Variants in NAV2 observed in about 807,000 individuals in gnomAD.
The protein encoded by NAV2 is neuron navigator 2.
A neutral mutation model predicts 223.2 loss-of-function variants in NAV2; 54 were observed. The observed-to-expected ratio is 0.24, with a 90% CI of 0.19 to 0.30. The LOEUF (loss-of-function observed/expected upper bound fraction) is 0.30, where lower values mean the gene tolerates loss of function less well. NAV2 is among the 10% of genes least tolerant of loss of function. The pLI is 1.00. For missense variants in NAV2, 2,806 were observed against 3,147.5 expected (o/e 0.89, Z 2.60); for synonymous variants, 1,279 against 1,239.3 (o/e 1.03, Z -0.67).
At chr11:19,390,745 C>T (rs1849215878) in intron 1 of NAV2, among the ~76,000 whole-genome samples, 1 of 152,110 alleles carries the variant, frequency 6.6e-6, no homozygotes, top group Non-Finnish European at 1.5e-5. Context: ...GGGACATGAC[C>T]TCTAAGCAGA....
At chr11:19,939,193 C>A (rs959499905) in intron 7 of NAV2, among the ~76,000 whole-genome samples, 2 of 152,172 alleles carry the variant, frequency 1.3e-5, no homozygotes, top group African/African-American at 4.8e-5. Flanking sequence ...CCACTTCCGA[C>A]TGGTTTTATG....
chr11:19,571,628 C>T (rs1424962056), intron 1 of NAV2, among the ~76,000 whole-genome samples: 1 of 152,020 alleles, frequency 6.6e-6, no homozygotes, highest in East Asian at 1.9e-4. Flanking sequence ...ACTGCTTGAA[C>T]CCAGGAGGTG....
intron 1 of NAV2, among the ~76,000 whole-genome samples, chr11:19,456,310 T>G (rs948707872): frequency 4.6e-5 from 7 of 152,232 alleles, no homozygotes; most frequent in African/African-American, 1.7e-4. Flanking sequence ...CCATGATAGA[T>G]GCACAGTCAC....
chr11:19,810,575 A>C (rs906190805), intron 1 of NAV2, among the ~76,000 whole-genome samples: 1 of 152,238 alleles, frequency 6.6e-6, no homozygotes, highest in African/African-American at 2.4e-5. Context: ...TATACTGATA[A>C]ACTATACTAT....
At chr11:20,022,949 G>A in intron 11 of NAV2, 1 of 1,323,264 alleles carries the variant, frequency 7.6e-7, no homozygotes, top group Non-Finnish European at 1.0e-6. Flanking sequence ...CTGGGGAATG[G>A]TGATCCCTGC....
intron 17 of NAV2, among the ~76,000 whole-genome samples, chr11:20,052,552 C>T (rs929733010): frequency 2.6e-5 from 4 of 152,172 alleles, no homozygotes; most frequent in East Asian, 1.9e-4. Flanking sequence ...AGAAAGCTAA[C>T]TTCTAAATGT....
intron 1 of NAV2, among the ~76,000 whole-genome samples, chr11:19,543,637 G>A (rs1049393619): frequency 2.6e-5 from 4 of 152,160 alleles, no homozygotes; most frequent in Non-Finnish European, 4.4e-5. Flanking sequence ...TACCCTCTAT[G>A]AGCTTGCCTT....
intron 10 of NAV2, among the ~76,000 whole-genome samples, chr11:19,971,029 G>A (rs2049192609): frequency 6.6e-6 from 1 of 152,144 alleles, no homozygotes; most frequent in East Asian, 1.9e-4. Context: ...AAGACATCCT[G>A]TATTTCGACA....
chr11:19,618,074 G>C (rs1027783019), intron 1 of NAV2, among the ~76,000 whole-genome samples: 8 of 152,168 alleles, frequency 5.3e-5, no homozygotes. Context: ...CTTACCTACT[G>C]TTTGTTGTCT....
chr11:19,776,988 C>G (rs2056279797), intron 1 of NAV2, among the ~76,000 whole-genome samples: 1 of 151,898 alleles, frequency 6.6e-6, no homozygotes, highest in Non-Finnish European at 1.5e-5. Flanking sequence ...CATCTTTCCC[C>G]CTTCGCGCCC....
At chr11:19,602,994 C>T (rs1207258499) in intron 1 of NAV2, among the ~76,000 whole-genome samples, 1 of 152,058 alleles carries the variant, frequency 6.6e-6, no homozygotes, top group Admixed American at 6.6e-5. Context: ...GTTGAGGGAA[C>T]AGCATGAGCA....
At chr11:20,056,515 G>A (rs984597784) in intron 19 of NAV2, 4 of 1,579,040 alleles carry the variant, frequency 2.5e-6, no homozygotes, top group South Asian at 2.2e-5. Flanking sequence ...TTTATGTTTG[G>A]TTCATTTTAA....
chr11:19,652,234 T>A (rs1230998782), intron 1 of NAV2, among the ~76,000 whole-genome samples: 1 of 152,164 alleles, frequency 6.6e-6, no homozygotes, highest in African/African-American at 2.4e-5. Context: ...CTTGGAGGAA[T>A]CTTGGTTTAT....
intron 23 of NAV2, 137 bp from the exon 24 acceptor site, chr11:20,077,856 C>A: frequency 1.4e-6 from 1 of 734,462 alleles, no homozygotes; most frequent in Non-Finnish European, 2.3e-6. Context: ...TGTGTTTGTT[C>A]ATGCCTGTTG....
intron 1 of NAV2, among the ~76,000 whole-genome samples, chr11:19,561,880 C>T (rs538715458): frequency 5.9e-5 from 9 of 152,322 alleles, no homozygotes; most frequent in African/African-American, 2.2e-4. Context: ...GATCCTGCCC[C>T]ACTGCCCCAG....
At chr11:19,565,125 C>T (rs931504744) in intron 1 of NAV2, among the ~76,000 whole-genome samples, 1 of 152,100 alleles carries the variant, frequency 6.6e-6, no homozygotes, top group African/African-American at 2.4e-5. Flanking sequence ...CAGAGTGAGA[C>T]CCTGCCTGCC....
At chr11:19,884,318 A>G in intron 5 of NAV2, 1 of 1,614,066 alleles carries the variant, frequency 6.2e-7, no homozygotes, top group Non-Finnish European at 8.5e-7. Context: ...ACTCATCTCA[A>G]AGCAAAATCA....
chr11:19,613,243 C>T (rs1306264709), intron 1 of NAV2, among the ~76,000 whole-genome samples: 1 of 152,102 alleles, frequency 6.6e-6, no homozygotes, highest in African/African-American at 2.4e-5. Context: ...CAAATCACAC[C>T]AGGGACCCAG....
At chr11:19,676,467 C>A (rs887546136) in intron 1 of NAV2, among the ~76,000 whole-genome samples, 1 of 123,806 alleles carries the variant, frequency 8.1e-6, no homozygotes, top group African/African-American at 2.6e-5. Flanking sequence ...GTGTTTCCCT[C>A]CTTACCTCTC....
Sources: gnomAD v4.1 joint callset for allele counts (sites outside exome capture counted in the v4.1 genomes callset) on GRCh38, gnomAD v4.1.1 for gene constraint, MANE v1.5 for transcripts, NCBI Gene and HGNC (gene_info 2026-07-23, HGNC 2026-07-21) for gene names.